The following WBP2NL variants were observed in gnomAD, a reference collection of about 807,000 sequenced individuals.
WBP2NL encodes WBP2 N-terminal like.
A neutral mutation model predicts 23.3 loss-of-function variants in WBP2NL; 27 were observed. The observed-to-expected ratio is 1.16, with a 90% CI of 0.85 to 1.60. The LOEUF (loss-of-function observed/expected upper bound fraction) is 1.60, where lower values mean the gene tolerates loss of function less well. WBP2NL is among the 40% of genes most tolerant of loss of function. WBP2NL has a pLI of 0.00. For missense variants in WBP2NL, 370 were observed against 389.5 expected, an observed-to-expected ratio of 0.95 and a Z score of 0.42; for synonymous variants, 151 against 145.9, an observed-to-expected ratio of 1.03 and a Z score of -0.25.
chr22:42,033,146 A>C (rs921029840), downstream of WBP2NL, among the ~76,000 whole-genome samples: 10 of 152,106 alleles, frequency 6.6e-5, no homozygotes, highest in Admixed American at 3.3e-4. Flanking sequence ...GGGTCTGGCT[A>C]TTTTTCAGTC....
chr22:42,050,293 T>TA (rs1275013370), intron 8 of WBP2NL, among the ~76,000 whole-genome samples: 3 of 151,726 alleles, frequency 2.0e-5, no homozygotes, highest in Admixed American at 6.6e-5. Context: ...ACCCTGTCTC[T>TA]AAAAACAAAC....
chr22:42,046,005 G>A (rs761213369), intron 8 of WBP2NL, among the ~76,000 whole-genome samples: 40 of 152,334 alleles, frequency 2.6e-4, no homozygotes, highest in Middle Eastern at 3.4e-3. Context: ...CAGGGTGGGT[G>A]GAATAAGTTG....
chr22:42,029,784 A>C (rs185199537), downstream of WBP2NL, among the ~76,000 whole-genome samples: 1 of 152,256 alleles, frequency 6.6e-6, no homozygotes. Context: ...TAGTGACCAC[A>C]TAATATTCTG....
chr22:42,019,053 C>G (rs780500578), intron 1 of WBP2NL, among the ~76,000 whole-genome samples: 14 of 151,620 alleles, frequency 9.2e-5, no homozygotes, highest in Middle Eastern at 3.2e-3. Flanking sequence ...ACCCCCATCT[C>G]TACAAAAATA....
intron 1 of WBP2NL, among the ~76,000 whole-genome samples, chr22:42,006,137 A>C (rs1204034279): frequency 6.6e-6 from 1 of 152,158 alleles, no homozygotes; most frequent in Non-Finnish European, 1.5e-5. Context: ...CATCAAACAA[A>C]GGCAATTTTG....
At chr22:42,021,328 G>T (rs1357445048) in intron 4 of WBP2NL, among the ~76,000 whole-genome samples, 1 of 152,156 alleles carries the variant, frequency 6.6e-6, no homozygotes, top group Non-Finnish European at 1.5e-5. Context: ...CCTGGAAACT[G>T]TCTACATTAC....
chr22:42,057,868 T>TACAC (rs1926111693), intron 8 of WBP2NL, among the ~76,000 whole-genome samples: 1 of 55,822 alleles, frequency 1.8e-5, no homozygotes, highest in Non-Finnish European at 3.4e-5. Flanking sequence ...TGTGTGTGTA[T>TACAC]GTATATATAT....
At chr22:42,047,621 A>T (rs1387587276) in intron 8 of WBP2NL, among the ~76,000 whole-genome samples, 14 of 133,062 alleles carry the variant, frequency 1.1e-4, no homozygotes, top group South Asian at 1.0e-3. Context: ...AACCAATCAA[A>T]TTTTTTTTTT....
chr22:42,000,415 C>T (rs921742745), intron 1 of WBP2NL, among the ~76,000 whole-genome samples: 9 of 152,046 alleles, frequency 5.9e-5, no homozygotes, highest in African/African-American at 2.2e-4. Context: ...GGTGTGAAGC[C>T]TTTCTTTTCT....
downstream of WBP2NL, chr22:42,030,850 G>A (rs1190246190): frequency 1.3e-5 from 2 of 152,204 alleles, no homozygotes; most frequent in East Asian, 3.8e-4. Flanking sequence ...GTGAATGGGT[G>A]AGGCCTTTTT....
At chr22:42,046,122 A>G (rs1246880010) in intron 8 of WBP2NL, among the ~76,000 whole-genome samples, 1 of 152,248 alleles carries the variant, frequency 6.6e-6, no homozygotes, top group Non-Finnish European at 1.5e-5. Flanking sequence ...TACATCCATA[A>G]TCAACCATTT....
At chr22:42,054,729 A>AAAAT (rs1455432593) in intron 8 of WBP2NL, among the ~76,000 whole-genome samples, 1 of 151,860 alleles carries the variant, frequency 6.6e-6, no homozygotes, top group African/African-American at 2.4e-5. Context: ...AAAAAAAAAA[A>AAAAT]AATCAATTAA....
chr22:42,001,236 A>G (rs1314950929), intron 1 of WBP2NL: 9 of 699,630 alleles, frequency 1.3e-5, no homozygotes, highest in Non-Finnish European at 2.4e-5. Flanking sequence ...GTTCCTTTGC[A>G]TCCTGACTGC....
intron 8 of WBP2NL, among the ~76,000 whole-genome samples, chr22:42,045,453 A>G (rs180964475): frequency 1.9e-3 from 282 of 152,182 alleles, no homozygotes; most frequent in African/African-American, 6.6e-3. Flanking sequence ...AACAAAACAA[A>G]CAAACAAAAA....
chr22:42,011,273 G>C (rs1922788382), intron 1 of WBP2NL, among the ~76,000 whole-genome samples: 1 of 151,946 alleles, frequency 6.6e-6, no homozygotes, highest in African/African-American at 2.4e-5. Context: ...TTTTGAGACA[G>C]GTTCTCACTC....
intron 1 of WBP2NL, among the ~76,000 whole-genome samples, chr22:42,010,742 G>A (rs1161674864): frequency 6.6e-6 from 1 of 152,080 alleles, no homozygotes; most frequent in Non-Finnish European, 1.5e-5. Context: ...GTTTCACCGT[G>A]TTAGCCAGGA....
At chr22:42,041,923 C>A (rs1925413540) in intron 8 of WBP2NL, among the ~76,000 whole-genome samples, 1 of 152,146 alleles carries the variant, frequency 6.6e-6, no homozygotes, top group African/African-American at 2.4e-5. Flanking sequence ...ATCTCTCTTT[C>A]AGTTTTAAAG....
intron 1 of WBP2NL, chr22:42,001,465 G>A (rs133308): frequency 0.77 from 694,373 of 896,044 alleles, 271,032 homozygotes; most frequent in East Asian, 0.9. Context: ...TCTTAATCCC[G>A]TCAGATTTGT....
chr22:42,000,900 CAGG>C (rs1160939349), intron 1 of WBP2NL, among the ~76,000 whole-genome samples: 1 of 151,904 alleles, frequency 6.6e-6, no homozygotes. Context: ...AAGGTTGAGG[CAGG>C]AGAATTGCTC....
Sources: allele counts gnomAD v4.1 joint callset (sites outside exome capture counted in the v4.1 genomes callset), GRCh38; gene constraint gnomAD v4.1.1; transcripts MANE v1.5; gene names NCBI Gene and HGNC (gene_info 2026-07-23, HGNC 2026-07-21).